Variants in CALN1 observed in about 807,000 individuals in gnomAD.
The protein encoded by CALN1 is calneuron 1, also known as calcium-binding protein 8.
In CALN1, 17 loss-of-function variants were observed where a neutral mutation model predicts 30.6. The observed-to-expected ratio is 0.56, with a 90% CI of 0.38 to 0.83. The LOEUF is 0.83. Ranked by LOEUF, CALN1 falls within the 40% of genes least tolerant of loss-of-function variation. CALN1 has a pLI of 0.00. For missense variants in CALN1, 291 were observed against 354.9 expected (o/e 0.82, Z 1.45); for synonymous variants, 156 against 131.4 (o/e 1.19, Z -1.28).
At chr7:72,336,919 A>G (rs1214323293) in intron 2 of CALN1, 18 of 983,184 alleles carry the variant, frequency 1.8e-5, no homozygotes, top group East Asian at 1.2e-4. Context: ...GCCGCTCCCC[A>G]CGCGCGCGCC....
chr7:71,974,300 C>T (rs1797992399), intron 5 of CALN1, among the ~76,000 whole-genome samples: 1 of 151,508 alleles, frequency 6.6e-6, no homozygotes, highest in Non-Finnish European at 1.5e-5. Flanking sequence ...TGCCTGTGAT[C>T]CCAGCTACTC....
At chr7:72,074,808 A>T (rs535752727) in intron 4 of CALN1, among the ~76,000 whole-genome samples, 1 of 152,276 alleles carries the variant, frequency 6.6e-6, no homozygotes, top group African/African-American at 2.4e-5. Context: ...TAATCAACAA[A>T]TACTCATGAG....
chr7:71,802,708 G>A (rs1249765548), intron 6 of CALN1, among the ~76,000 whole-genome samples: 3 of 152,164 alleles, frequency 2.0e-5, no homozygotes, highest in East Asian at 3.9e-4. Context: ...AAATTAGGAC[G>A]CAAAGATTGA....
chr7:71,816,826 G>A (rs186789531), intron 5 of CALN1, among the ~76,000 whole-genome samples: 23 of 152,110 alleles, frequency 1.5e-4, no homozygotes, highest in African/African-American at 5.1e-4. Context: ...AAATTAGCCC[G>A]GCGTGGTGAC....
At chr7:71,855,525 C>A (rs1431659674) in intron 5 of CALN1, among the ~76,000 whole-genome samples, 3 of 152,042 alleles carry the variant, frequency 2.0e-5, no homozygotes, top group Non-Finnish European at 4.4e-5. Context: ...GGCATGTGAC[C>A]CAGGCTTGGC....
At chr7:72,244,014 T>TCCCATCCTC (rs1371274888) in intron 3 of CALN1, among the ~76,000 whole-genome samples, 1 of 152,258 alleles carries the variant, frequency 6.6e-6, no homozygotes, top group Non-Finnish European at 1.5e-5. Context: ...TATTGAATTC[T>TCCCATCCTC]CCCATCCTGC....
intron 2 of CALN1, among the ~76,000 whole-genome samples, chr7:72,322,635 G>C (rs1800965303): frequency 6.6e-6 from 1 of 152,088 alleles, no homozygotes; most frequent in Non-Finnish European, 1.5e-5. Context: ...TAGAGATAGA[G>C]AGTAGAAGGA....
intron 2 of CALN1, among the ~76,000 whole-genome samples, chr7:72,336,171 G>C (rs1322676775): frequency 5.3e-5 from 8 of 152,148 alleles, no homozygotes; most frequent in Non-Finnish European, 1.2e-4. Context: ...AGCAGTCAGC[G>C]CTAGGGGCCG....
chr7:72,132,163 A>T (rs567196421), intron 3 of CALN1, among the ~76,000 whole-genome samples: 3 of 152,352 alleles, frequency 2.0e-5, no homozygotes, highest in African/African-American at 4.8e-5. Flanking sequence ...TAAGCTCATT[A>T]TAAGTTGAAA....
At chr7:72,009,056 G>T (rs1042111914) in intron 5 of CALN1, among the ~76,000 whole-genome samples, 10 of 152,232 alleles carry the variant, frequency 6.6e-5, no homozygotes, top group African/African-American at 2.4e-4. Context: ...TTTCAAAATA[G>T]ACTGAAGAAC....
At chr7:72,199,803 A>T (rs573669) in intron 3 of CALN1, among the ~76,000 whole-genome samples, 2,759 of 152,112 alleles carry the variant, frequency 0.018, 68 homozygotes, top group African/African-American at 0.063. Flanking sequence ...TTGCACCACT[A>T]TACTCCAGCC....
intron 5 of CALN1, among the ~76,000 whole-genome samples, chr7:71,981,335 T>C (rs1329404625): frequency 1.3e-5 from 2 of 151,940 alleles, no homozygotes; most frequent in African/African-American, 4.8e-5. Flanking sequence ...GGTCCTCCCC[T>C]ATACCCTGGG....
At chr7:72,488,212 T>A in the CALN1 span, among the ~76,000 whole-genome samples, 807 of 151,002 alleles carry the variant, frequency 5.3e-3, 2 homozygotes, top group Non-Finnish European at 7.1e-3. Context: ...CAAAAAAAAA[T>A]TTTTTTTAAT....
chr7:71,888,263 C>G (rs979025218), intron 5 of CALN1, among the ~76,000 whole-genome samples: 2 of 151,730 alleles, frequency 1.3e-5, no homozygotes, highest in African/African-American at 2.4e-5. Flanking sequence ...TCTGAAAAAC[C>G]AACGGGCTGC....
chr7:71,828,419 G>A (rs1303404874), intron 5 of CALN1, among the ~76,000 whole-genome samples: 1 of 151,998 alleles, frequency 6.6e-6, no homozygotes, highest in Non-Finnish European at 1.5e-5. Flanking sequence ...AGATTCGCCT[G>A]GATTATGCGG....
chr7:72,476,833 G>A, the CALN1 span, among the ~76,000 whole-genome samples: 4 of 152,192 alleles, frequency 2.6e-5, no homozygotes, highest in Non-Finnish European at 4.4e-5. Context: ...CCCTGCTGGA[G>A]ATCATGTTCT....
chr7:71,823,575 G>A (rs1036414243), intron 5 of CALN1, among the ~76,000 whole-genome samples: 1 of 151,948 alleles, frequency 6.6e-6, no homozygotes, highest in Non-Finnish European at 1.5e-5. Flanking sequence ...AAAATTAGCC[G>A]GGCATGGTGG....
At chr7:72,128,501 T>A (rs1012463945) in intron 3 of CALN1, among the ~76,000 whole-genome samples, 15 of 152,194 alleles carry the variant, frequency 9.9e-5, no homozygotes, top group African/African-American at 3.6e-4. Flanking sequence ...TGAGAATTTT[T>A]AAATAATTTT....
intron 3 of CALN1, among the ~76,000 whole-genome samples, chr7:72,213,191 A>C (rs140064752): frequency 0.011 from 1,692 of 152,334 alleles, 86 homozygotes; most frequent in Admixed American, 0.084. Flanking sequence ...CTAATTAAAA[A>C]CAACTAAACA....
Sources: allele counts gnomAD v4.1 joint callset (sites outside exome capture counted in the v4.1 genomes callset), GRCh38; gene constraint gnomAD v4.1.1; transcripts MANE v1.5; gene names NCBI Gene and HGNC (gene_info 2026-07-23, HGNC 2026-07-21).